The following TMEM248 variants were observed in gnomAD, a reference collection of about 807,000 sequenced individuals.
The protein encoded by TMEM248 is transmembrane protein 248.
Under a neutral mutation model 30.3 loss-of-function variants are expected in TMEM248, and 9 were observed. The observed-to-expected ratio is 0.30, with a 90% confidence interval of 0.18 to 0.52. The LOEUF (loss-of-function observed/expected upper bound fraction) is 0.52. Ranked by LOEUF, TMEM248 falls within the 20% of genes least tolerant of loss-of-function variation. The pLI is 0.97. For missense variants in TMEM248, 338 were observed against 403.3 expected (o/e 0.84, Z 1.39); for synonymous variants, 184 against 154.4 (o/e 1.19, Z -1.42).
At chr7:66,937,357 T>A (rs1791832607) in intron 1 of TMEM248, among the ~76,000 whole-genome samples, 1 of 152,244 alleles carries the variant, frequency 6.6e-6, no homozygotes. Flanking sequence ...TTGGGAATGA[T>A]CCATGTGATC....
intron 1 of TMEM248, among the ~76,000 whole-genome samples, chr7:66,929,958 G>A (rs1791623837): frequency 6.6e-6 from 1 of 151,908 alleles, no homozygotes; most frequent in Admixed American, 6.6e-5. Flanking sequence ...CCAGGAGTTT[G>A]AGACCAGCCT....
Position 66,955,618 on chromosome 7 carries a change from C to G in TMEM248, c.*96C>G. The G allele has an allele frequency of 7.0e-7, 1 of 1,430,968 alleles. No homozygotes were observed. The highest frequency in any genetic ancestry group is 2.3e-5 in the East Asian group (1 of 43,818). 88.6% of individuals were successfully genotyped at this position (1,430,968 alleles called of 1,614,324 possible). On this transcript the variant is annotated 3_prime_UTR_variant, in exon 7 of 7. Transcript: ENST00000341567. The stretch of plus-strand genomic sequence containing the variant: ...CCTGGATGCTCTGTGAATACATTAT[C>G]TTGCGATGTTGGGTTATTCCAGCCA...
intron 4 of TMEM248, among the ~76,000 whole-genome samples, chr7:66,950,449 T>A (rs1235974753): frequency 6.6e-6 from 1 of 152,206 alleles, no homozygotes; most frequent in East Asian, 1.9e-4. Context: ...GCTGCCGCCA[T>A]GTGAAGAAGG....
At chr7:66,929,343 A>G (rs1010218577) in intron 1 of TMEM248, among the ~76,000 whole-genome samples, 2 of 150,340 alleles carry the variant, frequency 1.3e-5, no homozygotes, top group African/African-American at 2.4e-5. Flanking sequence ...GGTAGACGTT[A>G]TTATTGTTAA....
At position 66,921,440 on chromosome 7, in the gene TMEM248, C is replaced by T. The variant is rs1791382065; in HGVS notation, c.-40C>T. On this transcript the variant is annotated 5_prime_UTR_variant, in exon 1 of 7. Coordinates refer to ENST00000341567, the MANE Select transcript of TMEM248 (RefSeq NM_017994.5). Reference sequence around the variant, plus strand: ...AGCTGGCCCGGCTGGGCCCGGGGCGCGCAGCTGCCCGCCGGGGCGGGGTGA... The same window carrying T: ...AGCTGGCCCGGCTGGGCCCGGGGCGTGCAGCTGCCCGCCGGGGCGGGGTGA... The T allele has an allele frequency of 6.7e-6, 1 of 150,088 alleles. No homozygotes were observed. The highest frequency in any genetic ancestry group is 1.5e-5 in the Non-Finnish European group (1 of 67,400). The allele number at this position is 150,088 out of a possible 1,614,324, so 9.3% of individuals were successfully genotyped here. A position where few individuals can be genotyped will look rare whatever the true frequency, so the allele number is the denominator to read the frequency against.
intron 1 of TMEM248, among the ~76,000 whole-genome samples, chr7:66,927,136 A>G (rs917982396): frequency 1.3e-5 from 2 of 152,230 alleles, no homozygotes; most frequent in Non-Finnish European, 2.9e-5. Flanking sequence ...TTAAAAAACT[A>G]AAGAACAAAG....
intron 1 of TMEM248, among the ~76,000 whole-genome samples, chr7:66,939,560 G>A (rs1170751511): frequency 2.0e-5 from 3 of 152,176 alleles, no homozygotes; most frequent in Admixed American, 6.5e-5. Context: ...TAATGTTGTC[G>A]CAGTTTGCTC....
chr7:66,941,076 C>A (rs1791936100), intron 1 of TMEM248, among the ~76,000 whole-genome samples: 3 of 151,734 alleles, frequency 2.0e-5, no homozygotes. Context: ...ATAGCGAGAC[C>A]CCATCTCTTA....
rs544004140 is a variant in TMEM248 at position 66,928,788 on chromosome 7, T to C, written c.-19+7327T>C. 3.9e-5 allele frequency among the ~76,000 whole-genome samples: 6 copies of C among 152,244 alleles called. No homozygotes were observed. In the East Asian group the frequency reaches 1.2e-3, roughly 29 times the overall value. On this transcript the variant is annotated intron_variant, in intron 1 of 6. Transcript: ENST00000341567. ...ACTCTTAAAAAAATTTTTTTTTTCC[T>C]TTTTATTTTCATTTTTTGAGATAGG... is the stretch of plus-strand genomic sequence containing the variant.
intron 1 of TMEM248, among the ~76,000 whole-genome samples, chr7:66,931,435 A>G (rs976048267): frequency 3.9e-5 from 6 of 152,030 alleles, no homozygotes; most frequent in Admixed American, 6.6e-5. Flanking sequence ...TCTGTGGCAT[A>G]ATGAATGTTA....
chr7:66,940,809 G>A (rs188794394), intron 1 of TMEM248, among the ~76,000 whole-genome samples: 36 of 152,344 alleles, frequency 2.4e-4, no homozygotes, highest in Admixed American at 1.8e-3. Context: ...ACAGAATGTC[G>A]AATAAATAGA....
At chr7:66,946,616 T>C (rs550967784) in intron 3 of TMEM248, among the ~76,000 whole-genome samples, 1 of 152,146 alleles carries the variant, frequency 6.6e-6, no homozygotes, top group South Asian at 2.1e-4. Flanking sequence ...TCTCTTCCTT[T>C]TGGAATTTTG....
intron 5 of TMEM248, among the ~76,000 whole-genome samples, chr7:66,952,044 T>C (rs914146429): frequency 6.6e-6 from 1 of 152,138 alleles, no homozygotes; most frequent in African/African-American, 2.4e-5. Context: ...CTCTCTTCTT[T>C]TGGCCTGGCC....
At chr7:66,934,187 ATTATTATTATT>A (rs1791743171) in intron 1 of TMEM248, among the ~76,000 whole-genome samples, 1 of 151,018 alleles carries the variant, frequency 6.6e-6, no homozygotes, top group Non-Finnish European at 1.5e-5. Context: ...TTCTTTTATT[ATTATTATTATT>A]TTATTATTAT....
chr7:66,940,956 T>G (rs183571482), intron 1 of TMEM248, among the ~76,000 whole-genome samples: 1 of 152,240 alleles, frequency 6.6e-6, no homozygotes, highest in Admixed American at 6.5e-5. Context: ...TATAGAATAT[T>G]TAGAAGATTG....
chr7:66,935,163 A>G (rs1363134896), intron 1 of TMEM248, among the ~76,000 whole-genome samples: 1 of 152,074 alleles, frequency 6.6e-6, no homozygotes, highest in African/African-American at 2.4e-5. Context: ...TAACCTAACT[A>G]GTGTTGTTTC....
At chr7:66,949,913 A>G (rs1197154609) in intron 4 of TMEM248, among the ~76,000 whole-genome samples, 1 of 152,196 alleles carries the variant, frequency 6.6e-6, no homozygotes, top group Non-Finnish European at 1.5e-5. Context: ...AAATAATTCT[A>G]TGGTGAATCC....
At position 66,929,083 on chromosome 7, in the gene TMEM248, C is replaced by T. The variant is rs145787287; in HGVS notation, c.-19+7622C>T. 2.6e-3 allele frequency among the ~76,000 whole-genome samples: 398 copies of T among 152,272 alleles called. 6 individuals are homozygous for T. In the East Asian group the frequency reaches 0.027, roughly 10 times the overall value. Reference sequence around the variant, plus strand: ...AATTATGGGCAGGAGCCATTGTGCCCTGCCAGATTGACTTCTTTATGCAAA... The same window carrying T: ...AATTATGGGCAGGAGCCATTGTGCCTTGCCAGATTGACTTCTTTATGCAAA... On this transcript the variant is annotated intron_variant, in intron 1 of 6. Transcript: ENST00000341567.
chr7:66,954,418 C>T (rs1041874664), intron 6 of TMEM248, among the ~76,000 whole-genome samples: 1 of 134,714 alleles, frequency 7.4e-6, no homozygotes, highest in Non-Finnish European at 1.5e-5. Flanking sequence ...CAGGGTCTCA[C>T]TTTGTCACCC....
Sources: gnomAD v4.1 joint callset for allele counts (sites outside exome capture counted in the v4.1 genomes callset) on GRCh38, gnomAD v4.1.1 for gene constraint, MANE v1.5 for transcripts, NCBI Gene and HGNC (gene_info 2026-07-23, HGNC 2026-07-21) for gene names.